FAT3: variants seen among roughly 807,000 people sequenced by gnomAD.
FAT3 encodes the protein protocadherin Fat 3.
Under a neutral mutation model 310.2 loss-of-function variants are expected in FAT3, and 95 were observed. The observed-to-expected ratio is 0.31, with a 90% CI of 0.26 to 0.36. FAT3 has a LOEUF of 0.36. FAT3 is among the 10% of genes least tolerant of loss of function. The probability of loss-of-function intolerance (pLI) is 1.00; values close to 1 mark genes in which losing one functional copy is unlikely to be tolerated. For synonymous variants in FAT3, 2,314 were observed against 2,192.9 expected, an observed-to-expected ratio of 1.06 and a Z score of -1.54; for missense variants, 5,408 against 5,715.6, an observed-to-expected ratio of 0.95 and a Z score of 1.74.
chr11:92,494,404 A>T (rs1453750273), intron 2 of FAT3, among the ~76,000 whole-genome samples: 1 of 152,080 alleles, frequency 6.6e-6, no homozygotes, highest in Non-Finnish European at 1.5e-5. Flanking sequence ...TGGAGGATGT[A>T]CATACCCAAA....
intron 4 of FAT3, among the ~76,000 whole-genome samples, chr11:92,721,094 A>G (rs536298428): frequency 1.1e-3 from 164 of 152,240 alleles, no homozygotes; most frequent in African/African-American, 3.9e-3. Context: ...TCCCTCCCCC[A>G]ATCCCTACAA....
At chr11:92,482,116 A>T (rs747724203) in intron 2 of FAT3, among the ~76,000 whole-genome samples, 1 of 152,110 alleles carries the variant, frequency 6.6e-6, no homozygotes, top group Non-Finnish European at 1.5e-5. Context: ...GACATCTTCA[A>T]TGTCAGTACA....
At chr11:92,463,507 C>T (rs1220086472) in intron 2 of FAT3, among the ~76,000 whole-genome samples, 2 of 152,142 alleles carry the variant, frequency 1.3e-5, no homozygotes, top group Non-Finnish European at 2.9e-5. Context: ...CATACAGTTT[C>T]TGTGAAAATA....
At chr11:92,249,966 A>G (rs1441214144) in intron 1 of FAT3, among the ~76,000 whole-genome samples, 1 of 152,144 alleles carries the variant, frequency 6.6e-6, no homozygotes, top group African/African-American at 2.4e-5. Context: ...CATCTGTCAT[A>G]AAGTGCTTCC....
At chr11:92,247,509 C>G (rs531447497) in intron 1 of FAT3, among the ~76,000 whole-genome samples, 1 of 152,082 alleles carries the variant, frequency 6.6e-6, no homozygotes, top group South Asian at 2.1e-4. Context: ...ACATGGGATA[C>G]CTCTGTGTTG....
chr11:92,286,620 G>A (rs1334011872), intron 1 of FAT3, among the ~76,000 whole-genome samples: 1 of 152,120 alleles, frequency 6.6e-6, no homozygotes, highest in African/African-American at 2.4e-5. Flanking sequence ...CATTTCTCTT[G>A]TTTTAATAAT....
intron 21 of FAT3, among the ~76,000 whole-genome samples, chr11:92,864,927 G>T (rs1352700985): frequency 6.6e-6 from 1 of 152,246 alleles, no homozygotes; most frequent in South Asian, 2.1e-4. Flanking sequence ...AAGTATGTAT[G>T]TTCTAACTGT....
chr11:92,294,941 T>G (rs1946810399), intron 1 of FAT3, among the ~76,000 whole-genome samples: 1 of 152,136 alleles, frequency 6.6e-6, no homozygotes, highest in African/African-American at 2.4e-5. Context: ...CAATCCCTAC[T>G]GATGTATCCT....
intron 1 of FAT3, among the ~76,000 whole-genome samples, chr11:92,293,359 A>G (rs1185360003): frequency 6.6e-6 from 1 of 151,370 alleles, no homozygotes; most frequent in East Asian, 2.0e-4. Context: ...CTTTTTCAAC[A>G]GTTAAATTTT....
intron 4 of FAT3, among the ~76,000 whole-genome samples, chr11:92,698,144 T>A (rs1943993830): frequency 6.6e-6 from 1 of 152,190 alleles, no homozygotes; most frequent in South Asian, 2.1e-4. Flanking sequence ...ATGACGATGC[T>A]TAGAACTCAA....
intron 3 of FAT3, among the ~76,000 whole-genome samples, chr11:92,613,134 A>G (rs546480545): frequency 8.6e-4 from 131 of 152,310 alleles, no homozygotes; most frequent in Middle Eastern, 3.4e-3. Context: ...CAAGTATTCA[A>G]TGGGCTCCAT....
chr11:92,335,020 T>C (rs1030879256), intron 1 of FAT3, among the ~76,000 whole-genome samples: 2 of 152,192 alleles, frequency 1.3e-5, no homozygotes, highest in Non-Finnish European at 2.9e-5. Context: ...AAATGCTTAC[T>C]ACATTAAAAG....
At chr11:92,288,824 A>G (rs990118193) in intron 1 of FAT3, among the ~76,000 whole-genome samples, 13 of 152,182 alleles carry the variant, frequency 8.5e-5, no homozygotes, top group African/African-American at 3.1e-4. Flanking sequence ...TCATAAATGA[A>G]ACATTTGCAT....
At position 92,316,668 on chromosome 11, in the gene FAT3, T is replaced by C. The variant is rs1009978059; in HGVS notation, c.-17-35428T>C. ...ATAAATTGCTGCTGGAATTGCATGA[T>C]GCCCACCTTTTCTTTGTGTTGAGGA... On this transcript the variant is annotated intron_variant, in intron 1 of 27. Transcript: ENST00000525166. Among the ~76,000 whole-genome samples the C allele has an allele frequency of 6.6e-5, 10 of 152,308 alleles. 1 individual carries two copies. The highest frequency in any genetic ancestry group is 6.8e-3 in the Middle Eastern group (2 of 294).
At chr11:92,471,189 C>A (rs918044167) in intron 2 of FAT3, among the ~76,000 whole-genome samples, 6 of 152,052 alleles carry the variant, frequency 3.9e-5, no homozygotes, top group Non-Finnish European at 8.8e-5. Context: ...GTATCCGAAG[C>A]CTAAATCTTT....
chr11:92,511,159 G>C (rs913416889), intron 2 of FAT3, among the ~76,000 whole-genome samples: 27 of 152,178 alleles, frequency 1.8e-4, no homozygotes, highest in African/African-American at 6.5e-4. Context: ...CTCCATTTGC[G>C]TTCTAGGTAG....
At chr11:92,676,110 C>A (rs1269863551) in intron 3 of FAT3, among the ~76,000 whole-genome samples, 1 of 152,092 alleles carries the variant, frequency 6.6e-6, no homozygotes, top group Non-Finnish European at 1.5e-5. Context: ...AAGCAGCGAG[C>A]AGCAAATATC....
chr11:92,466,198 G>A (rs1013308314), intron 2 of FAT3, among the ~76,000 whole-genome samples: 12 of 152,174 alleles, frequency 7.9e-5, no homozygotes, highest in African/African-American at 2.9e-4. Context: ...TATTTCTAGG[G>A]ATAATATCTG....
chr11:92,646,470 A>G (rs1030214165), intron 3 of FAT3, among the ~76,000 whole-genome samples: 1 of 151,978 alleles, frequency 6.6e-6, no homozygotes, highest in Non-Finnish European at 1.5e-5. Context: ...GGATAATTAG[A>G]CTCTTCTTCT....
Sources: allele counts gnomAD v4.1 joint callset (sites outside exome capture counted in the v4.1 genomes callset), GRCh38; gene constraint gnomAD v4.1.1; transcripts MANE v1.5; gene names NCBI Gene and HGNC (gene_info 2026-07-23, HGNC 2026-07-21).